The following HDAC9 variants were observed in gnomAD, a reference collection of about 807,000 sequenced individuals.
HDAC9 encodes MEF-2 interacting transcription repressor (MITR) protein.
In HDAC9, 41 loss-of-function variants were observed where a neutral mutation model predicts 139.4. That is an observed-to-expected ratio of 0.29 (90% CI 0.23 to 0.38). HDAC9 has a LOEUF of 0.38. Ranked by LOEUF, HDAC9 falls within the 10% of genes least tolerant of loss-of-function variation. HDAC9 has a pLI of 1.00. For synonymous variants in HDAC9, 517 were observed against 476.2 expected, an observed-to-expected ratio of 1.09 and a Z score of -1.12; for missense variants, 1,147 against 1,297.0, an observed-to-expected ratio of 0.88 and a Z score of 1.78.
rs561150469 is a variant in HDAC9, at chr7:18,407,270, C to T, written c.-41-88992C>T. 7.9e-5 allele frequency among the ~76,000 whole-genome samples: 12 copies of T among 152,238 alleles called. 1 individual carries two copies. Among genetic ancestry groups the T allele is most frequent in the Non-Finnish European group, 1.8e-4 (12 of 68,002 alleles). ...TCTAGAAAAACTCCTGAATGCTATC[C>T]GATGATTCCTTTCTTGGACCCAAGA... On this transcript the variant is annotated intron_variant, in intron 1 of 3. Coordinates refer to the HDAC9 transcript ENST00000413509.
chr7:18,360,228 G>A lies in HDAC9; in HGVS notation c.-42+69713G>A, dbSNP rs555910366. ...TTTCAATTACTTTTAAACATTTATG[G>A]CAAAACTCATATCTGCCACCAAGTG... On this transcript the variant is annotated intron_variant, in intron 1 of 3. Coordinates refer to the HDAC9 transcript ENST00000413509. Among the ~76,000 whole-genome samples, 13 of 152,016 alleles carry A rather than the reference G, an allele frequency of 8.6e-5. No homozygotes were observed. In the South Asian group the frequency reaches 2.7e-3, roughly 32 times the overall value.
At chr7:18,138,299 G>A (rs1785598633) in intron 1 of HDAC9, among the ~76,000 whole-genome samples, 1 of 151,954 alleles carries the variant, frequency 6.6e-6, no homozygotes, top group South Asian at 2.1e-4. Flanking sequence ...GAGACCATGA[G>A]CCCTGATCTA....
chr7:18,809,188 C>G (rs1793973683), intron 17 of HDAC9, among the ~76,000 whole-genome samples: 1 of 151,950 alleles, frequency 6.6e-6, no homozygotes, highest in Admixed American at 6.6e-5. Flanking sequence ...CCAAATTTAA[C>G]TCAAAATCTA....
intron 2 of HDAC9, among the ~76,000 whole-genome samples, chr7:18,247,199 ACTT>A (rs879666754): frequency 6.6e-6 from 1 of 151,968 alleles, no homozygotes; most frequent in Admixed American, 6.6e-5. Flanking sequence ...AGAAAAAACA[ACTT>A]GGGAGTCATT....
At chr7:18,159,086 C>T (rs1247015280) in intron 1 of HDAC9, among the ~76,000 whole-genome samples, 1 of 152,172 alleles carries the variant, frequency 6.6e-6, no homozygotes, top group Non-Finnish European at 1.5e-5. Context: ...GGATTCATAG[C>T]AGCAGTTGTT....
At chr7:18,389,598 T>C (rs1317503406) in intron 1 of HDAC9, among the ~76,000 whole-genome samples, 1 of 152,060 alleles carries the variant, frequency 6.6e-6, no homozygotes, top group East Asian at 1.9e-4. Flanking sequence ...GGAGGCTGGG[T>C]TGTATATGGT....
chr7:18,268,986 G>A (rs1300668577), intron 2 of HDAC9, among the ~76,000 whole-genome samples: 2 of 152,148 alleles, frequency 1.3e-5, no homozygotes, highest in Admixed American at 6.5e-5. Flanking sequence ...ATTTTATACA[G>A]CATTACACAA....
intron 2 of HDAC9, among the ~76,000 whole-genome samples, chr7:18,246,758 GC>G (rs1794566178): frequency 6.6e-6 from 1 of 152,038 alleles, no homozygotes; most frequent in African/African-American, 2.4e-5. Context: ...ATACCGAGGG[GC>G]AAAACTCTAT....
intron 23 of HDAC9, among the ~76,000 whole-genome samples, chr7:18,948,728 A>C (rs552990523): frequency 6.9e-4 from 105 of 152,278 alleles, no homozygotes; most frequent in African/African-American, 2.4e-3. Flanking sequence ...CCATCTTAGA[A>C]AACTGAACAG....
At chr7:18,154,089 C>G (rs11981992) in intron 1 of HDAC9, among the ~76,000 whole-genome samples, 4 of 151,912 alleles carry the variant, frequency 2.6e-5, no homozygotes, top group African/African-American at 9.7e-5. Flanking sequence ...ATACAATATC[C>G]GGGGAATAGA....
chr7:18,879,514 T>C (rs183623634), intron 22 of HDAC9, among the ~76,000 whole-genome samples: 1 of 152,060 alleles, frequency 6.6e-6, no homozygotes, highest in East Asian at 1.9e-4. Flanking sequence ...GCCACACACC[T>C]ATGACTAACT....
chr7:18,987,696 C>T (rs1330255706), intron 25 of HDAC9, among the ~76,000 whole-genome samples: 15 of 151,938 alleles, frequency 9.9e-5, no homozygotes, highest in Non-Finnish European at 4.4e-5. Flanking sequence ...CCATCTGGTC[C>T]TGGACTCTTT....
intron 2 of HDAC9, among the ~76,000 whole-genome samples, chr7:18,580,222 G>T (rs1421873775): frequency 6.6e-6 from 1 of 152,070 alleles, no homozygotes; most frequent in Non-Finnish European, 1.5e-5. Flanking sequence ...TACATGATTT[G>T]GGATTTTGGT....
At chr7:18,398,862 C>T (rs1408274523) in intron 1 of HDAC9, among the ~76,000 whole-genome samples, 1 of 152,054 alleles carries the variant, frequency 6.6e-6, no homozygotes, top group African/African-American at 2.4e-5. Context: ...AACCCAAATG[C>T]ACCTTACAAA....
intron 2 of HDAC9, chr7:18,162,505 C>G (rs979275491): frequency 4.6e-6 from 3 of 651,596 alleles, no homozygotes; most frequent in Non-Finnish European, 7.9e-6. Context: ...CATTCGATAG[C>G]TAATTCTCTA....
chr7:18,612,456 G>A (rs538821500), intron 6 of HDAC9, among the ~76,000 whole-genome samples: 1 of 152,084 alleles, frequency 6.6e-6, no homozygotes, highest in African/African-American at 2.4e-5. Context: ...AGTGAAAGAT[G>A]ACTGTCAGAT....
At chr7:18,438,298 G>A (rs1791409362) in intron 1 of HDAC9, among the ~76,000 whole-genome samples, 1 of 151,988 alleles carries the variant, frequency 6.6e-6, no homozygotes, top group Admixed American at 6.6e-5. Flanking sequence ...TCTGAGGATT[G>A]ATAAAAAATC....
At chr7:18,238,242 T>G (rs1793955354) in intron 2 of HDAC9, among the ~76,000 whole-genome samples, 1 of 152,228 alleles carries the variant, frequency 6.6e-6, no homozygotes, top group South Asian at 2.1e-4. Flanking sequence ...TTGCAAGGCA[T>G]TTTATTATTT....
intron 16 of HDAC9, among the ~76,000 whole-genome samples, chr7:18,772,085 A>T (rs1790345011): frequency 6.6e-6 from 1 of 152,136 alleles, no homozygotes; most frequent in Non-Finnish European, 1.5e-5. Flanking sequence ...CTAAGCTATG[A>T]GAGCACAGAG....
Sources: allele counts gnomAD v4.1 joint callset (sites outside exome capture counted in the v4.1 genomes callset), GRCh38; gene constraint gnomAD v4.1.1; transcripts MANE v1.5; gene names NCBI Gene and HGNC (gene_info 2026-07-23, HGNC 2026-07-21).